Variants in MGAT4C observed in about 807,000 individuals in gnomAD.
MGAT4C encodes alpha-1,3-mannosyl-glycoprotein 4-beta-N-acetylglucosaminyltransferase C.
A neutral mutation model predicts 40.1 loss-of-function variants in MGAT4C; 19 were observed. The ratio of observed to expected loss-of-function variants is 0.47; its 90% CI spans 0.33 to 0.70. The LOEUF is 0.70. Ranked by LOEUF, MGAT4C falls within the 30% of genes least tolerant of loss-of-function variation. The pLI is 0.02. For synonymous variants in MGAT4C, 181 were observed against 187.1 expected (o/e 0.97, Z 0.27); for missense variants, 491 against 563.2 (o/e 0.87, Z 1.30).
intron 1 of MGAT4C, among the ~76,000 whole-genome samples, chr12:86,153,161 G>T (rs1216422551): frequency 6.6e-6 from 1 of 152,114 alleles, no homozygotes; most frequent in Non-Finnish European, 1.5e-5. Flanking sequence ...ATAAAGCAGT[G>T]AGTTGCCCTC....
At position 86,143,829 on chromosome 12, in the gene MGAT4C, A is replaced by G. The variant is rs141067288; in HGVS notation, c.-56-94106T>C. On this transcript the variant is annotated intron_variant, in intron 1 of 4. Transcript: ENST00000611864. ...CATACTATTTTAGCAGGTTGTAGAT[A>G]TTGTTGAACCCAGCACATGAAGGCA... Among the ~76,000 whole-genome samples, 321 of 152,314 alleles carry G rather than the reference A, an allele frequency of 2.1e-3. 4 individuals are homozygous for G. The highest frequency in any genetic ancestry group is 0.017 in the Admixed American group (266 of 15,286).
rs533762948 is a variant in MGAT4C, at chr12:86,773,477, T to C, written c.-261-46236A>G. Among the ~76,000 whole-genome samples the C allele has an allele frequency of 2.2e-4, 34 of 152,270 alleles. 1 individual carries two copies. The South Asian group carries it at 7.0e-3, about 32-fold the overall frequency. On this transcript the variant is annotated intron_variant, in intron 1 of 7. Transcript: ENST00000548651. ...GCCACTGGTCTGGGATACTTTGTTA[T>C]GGCAACCCTAGCAAACTAATATAGA... is the stretch of plus-strand genomic sequence containing the variant.
chr12:86,625,577 A>T (rs2136495425), intron 2 of MGAT4C, among the ~76,000 whole-genome samples: 1 of 152,290 alleles, frequency 6.6e-6, no homozygotes, highest in East Asian at 1.9e-4. Context: ...AAGGAACATA[A>T]GAAAATGAAT....
chr12:85,973,633 C>T lies in MGAT4C; in HGVS notation c.*5656G>A, dbSNP rs866980479. 1.3e-5 allele frequency: 2 copies of T among 150,798 alleles called. No homozygotes were observed. Among genetic ancestry groups the T allele is most frequent in the South Asian group, 4.1e-4 (2 of 4,820 alleles). 9.3% of individuals were successfully genotyped at this position (150,798 alleles called of 1,614,324 possible). ...ATGGCTACTTAGGGTACTTTTTAAT[C>T]CAATATAATGTGAAAATTTGATCAT... On this transcript the variant is annotated 3_prime_UTR_variant, in exon 5 of 5. Coordinates refer to ENST00000611864, the MANE Select transcript of MGAT4C (RefSeq NM_001351288.2).
intron 4 of MGAT4C, among the ~76,000 whole-genome samples, chr12:86,306,985 A>G (rs1240504273): frequency 6.6e-6 from 1 of 150,586 alleles, no homozygotes; most frequent in African/African-American, 2.5e-5. Flanking sequence ...AAATTTTAAT[A>G]AGAAAAACTT....
chr12:86,824,597 A>C (rs762523231), intron 1 of MGAT4C, among the ~76,000 whole-genome samples: 4 of 151,152 alleles, frequency 2.6e-5, no homozygotes, highest in Non-Finnish European at 5.9e-5. Context: ...AAAAGACTTG[A>C]ATCTGCATCT....
At chr12:86,148,217 G>C (rs1042013461) in intron 1 of MGAT4C, among the ~76,000 whole-genome samples, 3 of 152,132 alleles carry the variant, frequency 2.0e-5, no homozygotes, top group Non-Finnish European at 4.4e-5. Flanking sequence ...GAGAGAACCA[G>C]GAATCATTAA....
At chr12:86,034,152 G>T (rs1891005040) in intron 2 of MGAT4C, among the ~76,000 whole-genome samples, 1 of 149,650 alleles carries the variant, frequency 6.7e-6, no homozygotes, top group South Asian at 2.1e-4. Context: ...GATTCAGTTT[G>T]CTAGTATTTT....
chr12:86,280,734 C>T (rs1375315262), intron 4 of MGAT4C, among the ~76,000 whole-genome samples: 16 of 150,592 alleles, frequency 1.1e-4, no homozygotes, highest in Admixed American at 9.3e-4. Context: ...TTTATCATTG[C>T]GAGATGATTT....
intron 2 of MGAT4C, among the ~76,000 whole-genome samples, chr12:86,657,836 A>G (rs1963887700): frequency 6.6e-6 from 1 of 151,958 alleles, no homozygotes; most frequent in Non-Finnish European, 1.5e-5. Context: ...AAGGCACCAT[A>G]TTCAAGATGT....
intron 1 of MGAT4C, among the ~76,000 whole-genome samples, chr12:86,073,295 T>C (rs751675319): frequency 3.3e-5 from 5 of 152,158 alleles, no homozygotes; most frequent in Non-Finnish European, 7.4e-5. Flanking sequence ...CCATTAAATA[T>C]ATTTTTCTTT....
In MGAT4C at chr12:86,729,910, C is replaced by G. The variant is rs114360388; in HGVS notation, c.-261-2669G>C. ...AATAGGCACCATCAGAAATAACATG[C>G]TTTATACTGTTCAAGACAAATTTGT... On this transcript the variant is annotated intron_variant, in intron 1 of 7. Transcript: ENST00000548651. 5.2e-3 allele frequency among the ~76,000 whole-genome samples: 785 copies of G among 152,122 alleles called. 3 individuals carry two copies. Among genetic ancestry groups the G allele is most frequent in the African/African-American group, 0.018 (766 of 41,538 alleles).
chr12:86,230,033 G>C (rs540713100), intron 1 of MGAT4C, among the ~76,000 whole-genome samples: 1 of 152,114 alleles, frequency 6.6e-6, no homozygotes, highest in East Asian at 1.9e-4. Flanking sequence ...GAAATACTGC[G>C]ATTGCTCCCC....
intron 1 of MGAT4C, among the ~76,000 whole-genome samples, chr12:86,198,356 AT>A (rs1949904473): frequency 6.6e-6 from 1 of 152,096 alleles, no homozygotes; most frequent in Non-Finnish European, 1.5e-5. Context: ...CAAAAAGAAT[AT>A]TTTTTCCACA....
chr12:86,448,775 CT>C (rs138232741), intron 2 of MGAT4C, among the ~76,000 whole-genome samples: 2,960 of 152,280 alleles, frequency 0.019, 87 homozygotes, highest in African/African-American at 0.067. Context: ...TTTAACTCAA[CT>C]TTATGTTTCT....
chr12:86,366,118 G>A (rs578163826), intron 3 of MGAT4C, among the ~76,000 whole-genome samples: 1 of 152,180 alleles, frequency 6.6e-6, no homozygotes. Context: ...TTGATTAGAT[G>A]AATTCCCAGG....
At chr12:86,388,972 C>A (rs1288937399) in intron 3 of MGAT4C, among the ~76,000 whole-genome samples, 2 of 152,118 alleles carry the variant, frequency 1.3e-5, no homozygotes, top group Non-Finnish European at 2.9e-5. Flanking sequence ...GCCTGAACCA[C>A]CACTCCTGGC....
intron 2 of MGAT4C, among the ~76,000 whole-genome samples, chr12:86,567,339 T>C (rs1394007980): frequency 6.6e-6 from 1 of 152,106 alleles, no homozygotes; most frequent in African/African-American, 2.4e-5. Context: ...CAACAATGAC[T>C]TCATTAAACA....
chr12:86,145,482 C>T (rs1883396059), intron 1 of MGAT4C, among the ~76,000 whole-genome samples: 1 of 152,136 alleles, frequency 6.6e-6, no homozygotes, highest in African/African-American at 2.4e-5. Context: ...ATTCTCAAAC[C>T]TTTCTCCTGA....
Sources: allele counts gnomAD v4.1 joint callset (sites outside exome capture counted in the v4.1 genomes callset), GRCh38; gene constraint gnomAD v4.1.1; transcripts MANE v1.5; gene names NCBI Gene and HGNC (gene_info 2026-07-23, HGNC 2026-07-21).